Variants in SEMA3D observed in about 807,000 individuals in gnomAD.
SEMA3D encodes semaphorin 3D.
Under a neutral mutation model 100.1 loss-of-function variants are expected in SEMA3D, and 84 were observed. The ratio of observed to expected loss-of-function variants is 0.84; its 90% CI spans 0.70 to 1.01. SEMA3D has a LOEUF of 1.01. Ranked by LOEUF, SEMA3D falls within the 50% of genes least tolerant of loss-of-function variation. The pLI, the probability that SEMA3D is intolerant of heterozygous loss-of-function variation, is 0.00. For missense variants in SEMA3D, 875 were observed against 934.1 expected (o/e 0.94, Z 0.82); for synonymous variants, 312 against 320.7 (o/e 0.97, Z 0.29).
the SEMA3D span, among the ~76,000 whole-genome samples, chr7:85,207,776 T>C: frequency 3.3e-5 from 5 of 152,218 alleles, no homozygotes; most frequent in African/African-American, 1.2e-4. Flanking sequence ...TTTTCTTTAA[T>C]CATTAAAAAA....
chr7:85,204,107 G>GAA, the SEMA3D span, among the ~76,000 whole-genome samples: 1 of 148,752 alleles, frequency 6.7e-6, no homozygotes, highest in African/African-American at 2.5e-5. Context: ...TAATTTATAA[G>GAA]AAAAAAAAAC....
intron 3 of SEMA3D, among the ~76,000 whole-genome samples, chr7:85,113,689 T>C (rs967036766): frequency 6.6e-6 from 1 of 151,112 alleles, no homozygotes; most frequent in African/African-American, 2.4e-5. Flanking sequence ...GAGAATCGCT[T>C]GAACCCAGGA....
At chr7:85,132,691 T>C (rs1324736771) in intron 2 of SEMA3D, among the ~76,000 whole-genome samples, 1 of 151,940 alleles carries the variant, frequency 6.6e-6, no homozygotes, top group Non-Finnish European at 1.5e-5. Context: ...TAATTCCAAA[T>C]AACATAATAA....
the SEMA3D span, among the ~76,000 whole-genome samples, chr7:85,246,855 C>G: frequency 1.3e-5 from 2 of 151,560 alleles, no homozygotes; most frequent in Non-Finnish European, 2.9e-5. Flanking sequence ...ATAGTAGCAT[C>G]TTAATTTTCT....
At chr7:85,022,686 A>G (rs2115854655) in intron 12 of SEMA3D, 73 bp from the exon 13 acceptor site, 1 of 922,150 alleles carries the variant, frequency 1.1e-6, no homozygotes, top group Non-Finnish European at 1.8e-6. Context: ...TTCCAATAAA[A>G]TTTGTATAGC....
the SEMA3D span, among the ~76,000 whole-genome samples, chr7:85,236,285 ATTTATTT>A: frequency 2.9e-4 from 33 of 113,104 alleles, no homozygotes; most frequent in South Asian, 5.9e-4. Flanking sequence ...ATTTTATTTT[ATTTATTT>A]ATTTATTTAT....
intron 9 of SEMA3D, among the ~76,000 whole-genome samples, chr7:85,055,153 A>C (rs1246327795): frequency 6.6e-6 from 1 of 152,132 alleles, no homozygotes; most frequent in African/African-American, 2.4e-5. Flanking sequence ...TAACGTAACA[A>C]AATTTCAACT....
At chr7:85,110,420 T>C (rs1182208324) in intron 3 of SEMA3D, among the ~76,000 whole-genome samples, 2 of 151,966 alleles carry the variant, frequency 1.3e-5, no homozygotes, top group Non-Finnish European at 2.9e-5. Context: ...TTAATCTTTC[T>C]GGATTTCTGT....
the SEMA3D span, among the ~76,000 whole-genome samples, chr7:85,224,319 A>G: frequency 6.6e-6 from 1 of 152,204 alleles, no homozygotes; most frequent in Non-Finnish European, 1.5e-5. Flanking sequence ...CCTGCAGCAA[A>G]TCTTGAAGTC....
At chr7:85,020,597 T>C (rs942864260) in intron 13 of SEMA3D, among the ~76,000 whole-genome samples, 3 of 151,560 alleles carry the variant, frequency 2.0e-5, no homozygotes, top group African/African-American at 7.3e-5. Context: ...GATATATATG[T>C]ATAATTTAAA....
chr7:85,221,549 C>T, the SEMA3D span, among the ~76,000 whole-genome samples: 23,177 of 151,852 alleles, frequency 0.15, 4,099 homozygotes, highest in African/African-American at 0.43. Flanking sequence ...CCAGTGATAG[C>T]GTTTATTATG....
At chr7:85,189,677 A>G (rs1314738783), upstream of SEMA3D, among the ~76,000 whole-genome samples, 2 of 152,176 alleles carry the variant, frequency 1.3e-5, no homozygotes, top group Non-Finnish European at 2.9e-5. Flanking sequence ...AAAAAGAAAA[A>G]GGAAAGAAAA....
At chr7:85,176,465 C>G (rs1791229194) in intron 1 of SEMA3D, among the ~76,000 whole-genome samples, 1 of 151,916 alleles carries the variant, frequency 6.6e-6, no homozygotes, top group Non-Finnish European at 1.5e-5. Context: ...AAACTAAAAC[C>G]AGAAATAAAA....
chr7:85,140,889 C>T (rs1278188415), intron 2 of SEMA3D: 1 of 714,706 alleles, frequency 1.4e-6, no homozygotes, highest in African/African-American at 1.9e-5. Flanking sequence ...ATCAAAACAC[C>T]ATCTTCCTAT....
chr7:85,224,935 G>A, the SEMA3D span, among the ~76,000 whole-genome samples: 8 of 150,870 alleles, frequency 5.3e-5, no homozygotes, highest in South Asian at 1.5e-3. Context: ...TTTGTATCAT[G>A]AAAACAATAC....
chr7:85,207,785 A>T, the SEMA3D span, among the ~76,000 whole-genome samples: 2 of 152,202 alleles, frequency 1.3e-5, no homozygotes, highest in Admixed American at 1.3e-4. Flanking sequence ...ATCATTAAAA[A>T]ATTAATCTGT....
At chr7:85,016,239 CT>C (rs1161250952) in intron 15 of SEMA3D, among the ~76,000 whole-genome samples, 2 of 133,960 alleles carry the variant, frequency 1.5e-5, no homozygotes, top group Non-Finnish European at 3.1e-5. Flanking sequence ...CATTTGTCTC[CT>C]TTGTGATTCC....
intron 12 of SEMA3D, among the ~76,000 whole-genome samples, chr7:85,026,218 C>A (rs905450995): frequency 6.6e-6 from 1 of 151,930 alleles, no homozygotes; most frequent in Non-Finnish European, 1.5e-5. Flanking sequence ...CTTCTAGAAC[C>A]AACACCAGGA....
chr7:85,150,134 T>C (rs577626196), intron 2 of SEMA3D, among the ~76,000 whole-genome samples: 3 of 151,822 alleles, frequency 2.0e-5, no homozygotes, highest in East Asian at 3.9e-4. Context: ...TTTAAGAATA[T>C]TTAAATTTAA....
Sources: allele counts gnomAD v4.1 joint callset (sites outside exome capture counted in the v4.1 genomes callset), GRCh38; gene constraint gnomAD v4.1.1; transcripts MANE v1.5; gene names NCBI Gene and HGNC (gene_info 2026-07-23, HGNC 2026-07-21).